CHD1L: variants seen among roughly 807,000 people sequenced by gnomAD.
CHD1L encodes the protein ATP-dependent chromatin remodeler CHD1L.
A neutral mutation model predicts 115.9 loss-of-function variants in CHD1L; 118 were observed. The observed-to-expected ratio is 1.02, with a 90% CI of 0.88 to 1.19. CHD1L has a LOEUF of 1.19. Ranked by LOEUF, CHD1L falls within the 50% of genes most tolerant of loss-of-function variation. The pLI is 0.00. For synonymous variants in CHD1L, 411 were observed against 387.1 expected, an observed-to-expected ratio of 1.06 and a Z score of -0.72; for missense variants, 1,179 against 1,065.3, an observed-to-expected ratio of 1.11 and a Z score of -1.49.
At position 147,280,108 on chromosome 1, in the gene CHD1L, T is replaced by C; in HGVS notation, c.1622T>C (p.Ile541Thr). The C allele has an allele frequency of 6.2e-7, 1 of 1,613,878 alleles. No homozygotes were observed. ...ATGGATGAAATAGACCTGGAGTCCATCCTGGGAGAAACAAAAGATGGCCAG... is the reference window on the plus strand; with the variant it reads ...ATGGATGAAATAGACCTGGAGTCCACCCTGGGAGAAACAAAAGATGGCCAG... ...STMDEIDLES[I>T]LGETKDGQWV... Residue 541 changes from isoleucine to threonine, a missense_variant, in exon 15 of 23, where the codon ATC becomes ACC. Transcript: ENST00000369258.
the CHD1L span, among the ~76,000 whole-genome samples, chr1:147,192,070 G>A: frequency 2.0e-4 from 30 of 152,060 alleles, no homozygotes; most frequent in Admixed American, 4.6e-4. Flanking sequence ...CACTTGATGC[G>A]GATGGCATTT....
the CHD1L span, chr1:147,186,313 G>T: frequency 1.0e-6 from 1 of 981,982 alleles, no homozygotes; most frequent in Non-Finnish European, 1.2e-6. Context: ...TAAGGAAAAG[G>T]GCTAAAAATG....
At chr1:147,220,411 C>A in the CHD1L span, among the ~76,000 whole-genome samples, 1 of 152,224 alleles carries the variant, frequency 6.6e-6, no homozygotes, top group Non-Finnish European at 1.5e-5. Flanking sequence ...AATCAACATC[C>A]CAGCAAGCTA....
chr1:147,233,145 G>A, the CHD1L span, among the ~76,000 whole-genome samples: 2 of 152,024 alleles, frequency 1.3e-5, no homozygotes, highest in South Asian at 2.1e-4. Context: ...CCTCTGCCCG[G>A]CTGCGACCCC....
chr1:147,251,678 C>T (rs762739447), intron 1 of CHD1L, among the ~76,000 whole-genome samples: 161 of 151,900 alleles, frequency 1.1e-3, no homozygotes, highest in Non-Finnish European at 2.0e-3. Flanking sequence ...TACAGGTGCC[C>T]GCCACTACAC....
intron 14 of CHD1L, 128 bp from the exon 15 acceptor site, chr1:147,279,898 G>A (rs1553960536): frequency 1.2e-6 from 1 of 866,422 alleles, no homozygotes; most frequent in Non-Finnish European, 1.8e-6. Flanking sequence ...GATGGGGAGA[G>A]CAGAAAGGCT....
chr1:147,277,225 G>A (rs587681372), intron 14 of CHD1L, among the ~76,000 whole-genome samples: 1 of 152,264 alleles, frequency 6.6e-6, no homozygotes, highest in South Asian at 2.1e-4. Context: ...GGCAGACTCA[G>A]ACAAAAGGAA....
intron 14 of CHD1L, among the ~76,000 whole-genome samples, chr1:147,277,309 T>C (rs1476737379): frequency 6.6e-6 from 1 of 152,188 alleles, no homozygotes; most frequent in African/African-American, 2.4e-5. Context: ...ACATAAGTGT[T>C]TAAGAGAGAA....
At chr1:147,277,471 G>C (rs984797174) in intron 14 of CHD1L, among the ~76,000 whole-genome samples, 1 of 152,158 alleles carries the variant, frequency 6.6e-6, no homozygotes, top group African/African-American at 2.4e-5. Context: ...GTTTTTGTTA[G>C]GGAGTTAGTA....
rs782378756 is a variant in CHD1L, at chr1:147,294,545, T to C, written c.2615+28T>C. On this transcript the variant is annotated intron_variant, in intron 22 of 22. Coordinates refer to ENST00000369258, the MANE Select transcript of CHD1L (RefSeq NM_004284.6). ...ATCCTTTTGTGATCTTCATTGTGTG[T>C]TCTCCCAACCCAAGAGGGAAAATGT... 1.9e-5 allele frequency: 30 copies of C among 1,553,658 alleles called. No homozygotes were observed. In the South Asian group the frequency reaches 2.8e-4, roughly 14 times the overall value.
chr1:147,248,684 C>T (rs1553934910), intron 1 of CHD1L, among the ~76,000 whole-genome samples: 1 of 151,984 alleles, frequency 6.6e-6, no homozygotes, highest in Admixed American at 6.6e-5. Context: ...TGTTTATTTA[C>T]AGTGTTTTTT....
the CHD1L span, chr1:147,209,541 A>C: frequency 6.5e-6 from 1 of 154,916 alleles, no homozygotes; most frequent in African/African-American, 2.4e-5. Context: ...TCCTTCCCAA[A>C]CACTAAACTT....
At chr1:147,259,765 G>A (rs1671290275) in intron 5 of CHD1L, 72 bp from the exon 6 acceptor site, 2 of 1,294,670 alleles carry the variant, frequency 1.5e-6, no homozygotes, top group Non-Finnish European at 2.2e-6. Context: ...TCACAGTTTT[G>A]TAGTAAGACT....
chr1:147,204,100 T>G, the CHD1L span: 1 of 1,061,752 alleles, frequency 9.4e-7, no homozygotes, highest in Admixed American at 1.7e-5. Context: ...CTTTGACTTA[T>G]GCATCCATGA....
intron 9 of CHD1L, 95 bp from the exon 10 acceptor site, chr1:147,268,687 T>C (rs587738137): frequency 1.7e-5 from 15 of 890,194 alleles, no homozygotes; most frequent in East Asian, 1.5e-4. Context: ...CAACTACTTA[T>C]ATGATGAGCT....
At chr1:147,259,808 A>C (rs782125278) in intron 5 of CHD1L, 29 bp from the exon 6 acceptor site, 2 of 1,587,162 alleles carry the variant, frequency 1.3e-6, no homozygotes, top group African/African-American at 2.7e-5. Flanking sequence ...AAATTACACA[A>C]AACTGAAAGC....
At chr1:147,198,872 A>AAAAAAG in the CHD1L span, among the ~76,000 whole-genome samples, 909 of 144,472 alleles carry the variant, frequency 6.3e-3, 22 homozygotes, top group African/African-American at 0.022. Flanking sequence ...AAAAAAAAAA[A>AAAAAAG]AAAGAAAGAA....
At chr1:147,197,872 G>T in the CHD1L span, among the ~76,000 whole-genome samples, 1 of 152,112 alleles carries the variant, frequency 6.6e-6, no homozygotes, top group East Asian at 1.9e-4. Flanking sequence ...AGAAGGCCTG[G>T]TACATACTAA....
chr1:147,242,779 G>C lies in CHD1L; in HGVS notation c.76G>C (p.Ala26Pro). 1 of 1,271,066 alleles carries C rather than the reference G, an allele frequency of 7.9e-7. No homozygotes were observed. Among genetic ancestry groups the C allele is most frequent in the Non-Finnish European group, 1.0e-6 (1 of 1,001,186 alleles). The allele number at this position is 1,271,066 out of a possible 1,614,324, so 78.7% of individuals were successfully genotyped here. The change falls in exon 1 of 23, where the codon GCC becomes CCC. Residue 26 changes from alanine (A) to proline (P), a missense_variant. By Grantham distance (27) the Ala-to-Pro change is conservative (BLOSUM62 -1). Coordinates refer to ENST00000369258, the MANE Select transcript of CHD1L (RefSeq NM_004284.6). ...FLLRLHTEGR[A>P]EAARVQEQDL... ...ACTGCGGCTTCATACTGAGGGCCGA[G>C]CCGAGGCGGCGCGGGTGCAGGAGCA...
Sources: gnomAD v4.1 joint callset for allele counts (sites outside exome capture counted in the v4.1 genomes callset) on GRCh38, gnomAD v4.1.1 for gene constraint, MANE v1.5 for transcripts, NCBI Gene and HGNC (gene_info 2026-07-23, HGNC 2026-07-21) for gene names.